The following ASCC1 variants were observed in gnomAD, a reference collection of about 807,000 sequenced individuals.
The protein encoded by ASCC1 is activating signal cointegrator 1 complex subunit 1, also known as ASC-1 complex subunit P50.
A neutral mutation model predicts 46.6 loss-of-function variants in ASCC1; 35 were observed. That is an observed-to-expected ratio of 0.75 (90% confidence interval 0.57 to 0.99). The LOEUF (loss-of-function observed/expected upper bound fraction) is 0.99. Ranked by LOEUF, ASCC1 falls within the 50% of genes least tolerant of loss-of-function variation. The pLI is 0.00. For synonymous variants in ASCC1, 143 were observed against 146.6 expected, an observed-to-expected ratio of 0.98 and a Z score of 0.18; for missense variants, 376 against 428.7, an observed-to-expected ratio of 0.88 and a Z score of 1.09.
At chr10:72,170,421 T>A (rs1369602425) in intron 5 of ASCC1, among the ~76,000 whole-genome samples, 44 of 151,674 alleles carry the variant, frequency 2.9e-4, no homozygotes, top group African/African-American at 8.9e-4. Flanking sequence ...AGATCAAAAG[T>A]GAGAAGCATT....
chr10:72,099,534 T>C (rs1841480846), intron 9 of ASCC1, among the ~76,000 whole-genome samples: 1 of 152,090 alleles, frequency 6.6e-6, no homozygotes, highest in African/African-American at 2.4e-5. Flanking sequence ...TAAGAGCAAG[T>C]ACAAGGCCAG....
At chr10:72,110,336 C>T (rs2132006292) in intron 9 of ASCC1, among the ~76,000 whole-genome samples, 1 of 152,314 alleles carries the variant, frequency 6.6e-6, no homozygotes, top group East Asian at 1.9e-4. Context: ...GCAACAGGGA[C>T]ATTTCTTCCT....
At chr10:72,130,708 TC>T (rs1246438983) in intron 8 of ASCC1, among the ~76,000 whole-genome samples, 2 of 152,164 alleles carry the variant, frequency 1.3e-5, no homozygotes, top group Non-Finnish European at 2.9e-5. Context: ...GTGGCCACTA[TC>T]CAGATGTTTT....
intron 6 of ASCC1, chr10:72,159,071 G>A (rs2132652641): frequency 6.6e-6 from 1 of 152,228 alleles, no homozygotes; most frequent in South Asian, 2.1e-4. Context: ...AGGTTGGGGA[G>A]GCTTGCTTTA....
chr10:72,105,221 G>T (rs150863880), intron 9 of ASCC1, among the ~76,000 whole-genome samples: 1 of 152,318 alleles, frequency 6.6e-6, no homozygotes, highest in Non-Finnish European at 1.5e-5. Flanking sequence ...CGAGGCAAGG[G>T]TACCACTGAG....
chr10:72,125,293 T>C (rs1482002845), intron 9 of ASCC1, among the ~76,000 whole-genome samples: 3 of 152,238 alleles, frequency 2.0e-5, no homozygotes, highest in African/African-American at 7.2e-5. Flanking sequence ...TTCCTGATCC[T>C]TGGCCTATGC....
intron 5 of ASCC1, among the ~76,000 whole-genome samples, chr10:72,163,652 T>C (rs531189083): frequency 4.6e-5 from 7 of 151,800 alleles, no homozygotes; most frequent in African/African-American, 1.7e-4. Flanking sequence ...GGAGAATTGC[T>C]TGAACCTGGG....
intron 5 of ASCC1, among the ~76,000 whole-genome samples, chr10:72,179,502 C>A (rs1025931532): frequency 6.6e-6 from 1 of 152,104 alleles, no homozygotes; most frequent in African/African-American, 2.4e-5. Context: ...CCTCAGTGAC[C>A]CCTAGGACTG....
chr10:72,189,755 T>C (rs1854101240), intron 5 of ASCC1, among the ~76,000 whole-genome samples: 1 of 132,504 alleles, frequency 7.5e-6, no homozygotes, highest in Non-Finnish European at 1.5e-5. Flanking sequence ...TGAGCCGAGA[T>C]CGCACCACTG....
chr10:72,102,500 G>C (rs1841891719), intron 9 of ASCC1: 2 of 1,057,702 alleles, frequency 1.9e-6, no homozygotes, highest in East Asian at 2.6e-5. Context: ...TTTTATACTA[G>C]GGAAATGAAC....
At chr10:72,216,657 C>A (rs959910863), upstream of ASCC1, among the ~76,000 whole-genome samples, 1 of 151,982 alleles carries the variant, frequency 6.6e-6, no homozygotes, top group Admixed American at 6.6e-5. Flanking sequence ...AGGCATATAT[C>A]TGTTAGAAAG....
At chr10:72,151,152 T>C (rs986695121) in intron 7 of ASCC1, among the ~76,000 whole-genome samples, 2 of 152,242 alleles carry the variant, frequency 1.3e-5, no homozygotes, top group African/African-American at 4.8e-5. Flanking sequence ...CACACGTATG[T>C]TTATTGTGGC....
In ASCC1 at chr10:72,096,359, G is replaced by A; in HGVS notation, c.*975C>T. 2.2e-6 allele frequency: 1 copy of A among 454,080 alleles called. No individual in the cohort carries two copies. The highest frequency in any genetic ancestry group is 1.6e-5 in the South Asian group (1 of 64,472). 28.1% of individuals were successfully genotyped at this position (454,080 alleles called of 1,614,324 possible). ...CTGCACAGTCCTGCTGATATCATCA[G>A]TTTCTTTTGCTGCTGCCTTGAAAAG... On this transcript the variant is annotated 3_prime_UTR_variant, in exon 10 of 10. Coordinates refer to ENST00000672957, the MANE Select transcript of ASCC1 (RefSeq NM_001198800.3).
chr10:72,196,160 C>G lies in ASCC1; in HGVS notation c.489+651G>C, dbSNP rs550044943. 5.9e-5 allele frequency among the ~76,000 whole-genome samples: 9 copies of G among 152,058 alleles called. No homozygotes were observed. In the South Asian group the frequency reaches 1.9e-3, roughly 32 times the overall value. ...AAATTTGTCTTTTAGTTACTAATCC[C>G]AAATGAGCCATGACCGCCCAAAGTC... is the stretch of plus-strand genomic sequence containing the variant. On this transcript the variant is annotated intron_variant, in intron 5 of 9. Coordinates refer to ENST00000672957, the MANE Select transcript of ASCC1 (RefSeq NM_001198800.3).
chr10:72,146,515 C>T (rs1655500938), intron 7 of ASCC1, among the ~76,000 whole-genome samples: 1 of 152,102 alleles, frequency 6.6e-6, no homozygotes. Flanking sequence ...TTCATGTTCT[C>T]AGCAAAATAG....
At chr10:72,204,085 C>T (rs1001261440) in intron 3 of ASCC1, among the ~76,000 whole-genome samples, 2 of 152,012 alleles carry the variant, frequency 1.3e-5, no homozygotes, top group African/African-American at 4.8e-5. Flanking sequence ...CCCATCTCTA[C>T]AAAAATACAA....
At chr10:72,111,497 A>T (rs1842915783) in intron 9 of ASCC1, among the ~76,000 whole-genome samples, 1 of 152,140 alleles carries the variant, frequency 6.6e-6, no homozygotes, top group Non-Finnish European at 1.5e-5. Context: ...AAAAAAAAAA[A>T]TTCAAAGTTT....
At chr10:72,172,414 C>CAAAAAA (rs1041390323) in intron 5 of ASCC1, among the ~76,000 whole-genome samples, 3 of 40,242 alleles carry the variant, frequency 7.5e-5, no homozygotes, top group Admixed American at 2.6e-4. Flanking sequence ...AACTCAGTCT[C>CAAAAAA]AAAAAAAAAA....
intron 9 of ASCC1, among the ~76,000 whole-genome samples, chr10:72,107,661 A>C: frequency 6.6e-6 from 1 of 152,248 alleles, no homozygotes; most frequent in Non-Finnish European, 1.5e-5. Flanking sequence ...TAGGTACAAA[A>C]AAATTGATAT....
Sources: allele counts gnomAD v4.1 joint callset (sites outside exome capture counted in the v4.1 genomes callset), GRCh38; gene constraint gnomAD v4.1.1; transcripts MANE v1.5; gene names NCBI Gene and HGNC (gene_info 2026-07-23, HGNC 2026-07-21).